CTNND2: variants seen among roughly 807,000 people sequenced by gnomAD.
CTNND2 encodes catenin delta 2.
In CTNND2, 22 loss-of-function variants were observed where a neutral mutation model predicts 144.4. That is an observed-to-expected ratio of 0.15 (90% CI 0.11 to 0.22). The LOEUF is 0.22. Among genes scored for constraint, CTNND2 ranks in the 10% least tolerant of loss-of-function variants. CTNND2 has a pLI of 1.00. For synonymous variants in CTNND2, 751 were observed against 695.6 expected, an observed-to-expected ratio of 1.08 and a Z score of -1.25; for missense variants, 1,353 against 1,618.8, an observed-to-expected ratio of 0.84 and a Z score of 2.82.
intron 9 of CTNND2, among the ~76,000 whole-genome samples, chr5:11,321,890 T>C (rs929152502): frequency 6.6e-6 from 1 of 152,078 alleles, no homozygotes. Flanking sequence ...CTTAACCCTA[T>C]CTCCCCACTC....
intron 10 of CTNND2, among the ~76,000 whole-genome samples, chr5:11,203,765 CTTG>C (rs796672022): frequency 9.2e-5 from 14 of 152,270 alleles, no homozygotes; most frequent in African/African-American, 2.4e-4. Flanking sequence ...TAATGTATAT[CTTG>C]TTATTTATAT....
intron 14 of CTNND2, among the ~76,000 whole-genome samples, chr5:11,099,881 G>A (rs1445542799): frequency 1.3e-5 from 2 of 152,010 alleles, no homozygotes; most frequent in Non-Finnish European, 1.5e-5. Context: ...AGAACATGAA[G>A]GTATTTAGCT....
intron 16 of CTNND2, among the ~76,000 whole-genome samples, chr5:11,074,655 T>C (rs749918096): frequency 1.6e-4 from 25 of 152,172 alleles, no homozygotes; most frequent in Non-Finnish European, 5.9e-5. Context: ...TAACGAAGAT[T>C]TTCCCTGTTC....
chr5:11,098,240 A>G (rs1302245712), intron 15 of CTNND2, among the ~76,000 whole-genome samples: 2 of 152,188 alleles, frequency 1.3e-5, no homozygotes, highest in Admixed American at 1.3e-4. Context: ...AGTTAATGAT[A>G]GTGCTTTGAA....
At chr5:11,176,449 T>G (rs999633511) in intron 11 of CTNND2, among the ~76,000 whole-genome samples, 1 of 152,202 alleles carries the variant, frequency 6.6e-6, no homozygotes, top group African/African-American at 2.4e-5. Context: ...ACTGTTTCCA[T>G]GGCAAACTCT....
intron 3 of CTNND2, among the ~76,000 whole-genome samples, chr5:11,562,198 T>C (rs1776737608): frequency 6.6e-6 from 1 of 152,176 alleles, no homozygotes; most frequent in African/African-American, 2.4e-5. Flanking sequence ...TTGTTTCTTT[T>C]CTCCTAAGAA....
chr5:11,338,386 G>C (rs1336704127), intron 9 of CTNND2, among the ~76,000 whole-genome samples: 1 of 151,806 alleles, frequency 6.6e-6, no homozygotes, highest in Admixed American at 6.6e-5. Flanking sequence ...TCAGCTCTTG[G>C]GCCAAGTATG....
chr5:11,382,597 G>GTGTA (rs68065137), intron 7 of CTNND2, among the ~76,000 whole-genome samples: 595 of 29,938 alleles, frequency 0.02, 4 homozygotes, highest in Non-Finnish European at 0.027. Flanking sequence ...GTGAGACTCT[G>GTGTA]TGTGTGTGTG....
intron 16 of CTNND2, among the ~76,000 whole-genome samples, chr5:11,075,611 G>A (rs1050445368): frequency 3.9e-5 from 6 of 152,216 alleles, no homozygotes; most frequent in Admixed American, 1.3e-4. Context: ...GCCCTGGTTC[G>A]CCTGCTGGAA....
chr5:11,543,316 T>A (rs1215575061), intron 3 of CTNND2, among the ~76,000 whole-genome samples: 1 of 152,140 alleles, frequency 6.6e-6, no homozygotes, highest in African/African-American at 2.4e-5. Flanking sequence ...TCTCCACAGA[T>A]ACAGACATTC....
chr5:11,294,617 C>G (rs999586753), intron 9 of CTNND2, among the ~76,000 whole-genome samples: 1 of 152,144 alleles, frequency 6.6e-6, no homozygotes, highest in Non-Finnish European at 1.5e-5. Context: ...AGCAGCACAT[C>G]AAAAAGCTTA....
intron 2 of CTNND2, among the ~76,000 whole-genome samples, chr5:11,611,746 C>T (rs1486079727): frequency 1.3e-5 from 2 of 152,178 alleles, no homozygotes; most frequent in East Asian, 3.9e-4. Flanking sequence ...CCAATGCACT[C>T]CAGCCTGGAC....
intron 9 of CTNND2, among the ~76,000 whole-genome samples, chr5:11,304,038 C>A (rs1373065308): frequency 6.6e-6 from 1 of 152,130 alleles, no homozygotes; most frequent in African/African-American, 2.4e-5. Flanking sequence ...TGGCTTTCAC[C>A]TTCCACCGTG....
chr5:11,128,748 T>TATTATATATAC (rs1754957163), intron 12 of CTNND2, among the ~76,000 whole-genome samples: 1 of 62,120 alleles, frequency 1.6e-5, no homozygotes, highest in African/African-American at 9.5e-5. Flanking sequence ...TATTTATATA[T>TATTATATATAC]ATTATATATA....
At chr5:11,463,494 T>A (rs774161821) in intron 3 of CTNND2, among the ~76,000 whole-genome samples, 26 of 152,196 alleles carry the variant, frequency 1.7e-4, no homozygotes, top group African/African-American at 2.4e-4. Context: ...TATGTGGTCA[T>A]TAACCAGGAC....
At chr5:11,187,597 T>A (rs909797685) in intron 11 of CTNND2, among the ~76,000 whole-genome samples, 12 of 152,010 alleles carry the variant, frequency 7.9e-5, no homozygotes, top group Admixed American at 6.6e-4. Flanking sequence ...AAGCAAAAAT[T>A]GACAAATGGG....
chr5:11,552,027 C>G (rs1342501942), intron 3 of CTNND2, among the ~76,000 whole-genome samples: 2 of 152,178 alleles, frequency 1.3e-5, no homozygotes, highest in African/African-American at 4.8e-5. Context: ...CCCTTGGCCT[C>G]CCAATGTGCT....
At chr5:11,234,699 G>A (rs1276141178) in intron 10 of CTNND2, among the ~76,000 whole-genome samples, 1 of 152,222 alleles carries the variant, frequency 6.6e-6, no homozygotes, top group Non-Finnish European at 1.5e-5. Context: ...GAGCCAGTTA[G>A]ACCATGACTT....
intron 10 of CTNND2, among the ~76,000 whole-genome samples, chr5:11,207,280 A>G (rs1484974263): frequency 6.6e-6 from 1 of 151,966 alleles, no homozygotes; most frequent in Non-Finnish European, 1.5e-5. Flanking sequence ...AGAAATACCT[A>G]ACGTACATGA....
Sources: allele counts gnomAD v4.1 joint callset (sites outside exome capture counted in the v4.1 genomes callset), GRCh38; gene constraint gnomAD v4.1.1; transcripts MANE v1.5; gene names NCBI Gene and HGNC (gene_info 2026-07-23, HGNC 2026-07-21).